Variants in C14orf39 observed in about 807,000 individuals in gnomAD.
The protein encoded by C14orf39 is chromosome 14 open reading frame 39.
A neutral mutation model predicts 85.6 loss-of-function variants in C14orf39; 66 were observed. The ratio of observed to expected loss-of-function variants is 0.77; its 90% CI spans 0.63 to 0.95. The LOEUF is 0.95. C14orf39 is among the 40% of genes least tolerant of loss of function. C14orf39 has a pLI of 0.00. For missense variants in C14orf39, 735 were observed against 663.9 expected (o/e 1.11, Z -1.18); for synonymous variants, 242 against 214.0 (o/e 1.13, Z -1.14).
chr14:60,513,607 T>C (rs1363555129), intron 1 of C14orf39, among the ~76,000 whole-genome samples: 1 of 152,214 alleles, frequency 6.6e-6, no homozygotes, highest in Non-Finnish European at 1.5e-5. Context: ...TTGGCAAATT[T>C]TCTCTTAAGT....
chr14:60,441,569 T>C (rs939404324), intron 17 of C14orf39, among the ~76,000 whole-genome samples: 1 of 152,200 alleles, frequency 6.6e-6, no homozygotes, highest in Admixed American at 6.5e-5. Flanking sequence ...TTTCAGTTTA[T>C]CCCACTGGAA....
chr14:60,510,164 T>A (rs1274434506), intron 1 of C14orf39, among the ~76,000 whole-genome samples: 1 of 152,112 alleles, frequency 6.6e-6, no homozygotes, highest in African/African-American at 2.4e-5. Flanking sequence ...CCCCACCCGC[T>A]GGCTCCCCAC....
chr14:60,511,374 C>A (rs1424712422), intron 1 of C14orf39: 2 of 1,235,736 alleles, frequency 1.6e-6, no homozygotes, highest in African/African-American at 1.5e-5. Context: ...TGACCAGGGA[C>A]CCGCGGGCTC....
Position 60,469,598 on chromosome 14 carries a change from T to C in C14orf39, c.610A>G (p.Lys204Glu), listed in dbSNP as rs1891970458. The change falls in exon 8 of 18, where the codon AAA becomes GAA. Residue 204 changes from lysine (K) to glutamate (E), a missense_variant. Transcript: ENST00000321731. ...TCTTTCTTCAATTCGGATGAACTTT[T>C]GGTAAGATTGCTGGCATGTTTAAGA... The part of the protein sequence containing the change: ...DILKHASNLT[K>E]SSSELKKEVD... 2 of 1,523,170 alleles carry C rather than the reference T, an allele frequency of 1.3e-6. No individual in the cohort carries two copies. Among genetic ancestry groups the C allele is most frequent in the African/African-American group, 1.4e-5 (1 of 72,296 alleles). The allele number at this position is 1,523,170 out of a possible 1,614,324, so 94.4% of individuals were successfully genotyped here.
rs1435108105 is a variant in C14orf39 at position 60,461,516 on chromosome 14, C to T, written c.1050G>A (p.Met350Ile). ...TTATTTTAAAAAGTTACCTGACTTG[C>T]ATAAACTTTTGTGAACTTGTGATAG... is the stretch of plus-strand genomic sequence containing the variant. ...ITTITSSQKF[M>I]QVRLLTPQKQ... The change falls in exon 12 of 18, where the codon ATG (methionine) becomes ATA (isoleucine). Residue 350 changes from methionine (M) to isoleucine (I), a missense_variant. Met to Ile is a conservative substitution (Grantham distance 10). Coordinates refer to ENST00000321731, the MANE Select transcript of C14orf39 (RefSeq NM_174978.3). 1 of 1,590,932 alleles carries T rather than the reference C, an allele frequency of 6.3e-7. No individual in the cohort carries two copies.
intron 5 of C14orf39, among the ~76,000 whole-genome samples, chr14:60,476,874 A>T (rs201973350): frequency 9.5e-6 from 1 of 104,792 alleles, no homozygotes; most frequent in South Asian, 3.1e-4. Flanking sequence ...CTGTTTTTTT[A>T]AATGAATATT....
intron 10 of C14orf39, 41 bp downstream of exon 10, chr14:60,466,876 C>A: frequency 7.1e-7 from 1 of 1,416,248 alleles, no homozygotes; most frequent in Non-Finnish European, 9.3e-7. Context: ...TGTGTGTTTG[C>A]AAAAAAAATG....
chr14:60,510,197 T>C (rs1284098355), intron 1 of C14orf39, among the ~76,000 whole-genome samples: 1 of 152,086 alleles, frequency 6.6e-6, no homozygotes, highest in Non-Finnish European at 1.5e-5. Context: ...CTGCAGCAGC[T>C]GGTCCCGGTC....
intron 16 of C14orf39, among the ~76,000 whole-genome samples, chr14:60,445,827 G>C (rs560704755): frequency 6.6e-6 from 1 of 152,116 alleles, no homozygotes; most frequent in Admixed American, 6.6e-5. Context: ...ACACTCCTCA[G>C]CAAATGTAAA....
chr14:60,445,006 C>A (rs1890694798), intron 16 of C14orf39, among the ~76,000 whole-genome samples: 1 of 152,162 alleles, frequency 6.6e-6, no homozygotes, highest in Non-Finnish European at 1.5e-5. Context: ...ACTTTACAGA[C>A]AAGCAAATGC....
chr14:60,457,971 G>GT (rs902137287), intron 14 of C14orf39, among the ~76,000 whole-genome samples: 1 of 151,660 alleles, frequency 6.6e-6, no homozygotes, highest in African/African-American at 2.4e-5. Context: ...TTTTGTATAT[G>GT]TTTTTTTAAT....
In C14orf39 at chr14:60,485,721, A is replaced by G. The variant is rs140464545; in HGVS notation, c.-9+224T>C. Among the ~76,000 whole-genome samples, 245 of 151,858 alleles carry G rather than the reference A, an allele frequency of 1.6e-3. 6 individuals are homozygous for G. The East Asian group carries it at 0.044, about 27-fold the overall frequency. On this transcript the variant is annotated intron_variant, in intron 1 of 17. Coordinates refer to ENST00000321731, the MANE Select transcript of C14orf39 (RefSeq NM_174978.3). The stretch of plus-strand genomic sequence containing the variant: ...AGTTCGCCGGCCGACTCCCACCCTC[A>G]CAGCCTCCTGTCCTGGCTTCCCCTC...
chr14:60,455,981 G>A (rs1162723532), intron 15 of C14orf39, among the ~76,000 whole-genome samples: 4 of 152,046 alleles, frequency 2.6e-5, no homozygotes, highest in African/African-American at 9.7e-5. Context: ...CTTAGCGTAT[G>A]AGCTCACATT....
chr14:60,473,768 C>G (rs371967738), intron 5 of C14orf39, among the ~76,000 whole-genome samples: 18 of 152,174 alleles, frequency 1.2e-4, no homozygotes, highest in African/African-American at 2.9e-4. Context: ...CTGTATCTCT[C>G]TTTTGGTACC....
chr14:60,437,716 G>C (rs1463044268), intron 17 of C14orf39, among the ~76,000 whole-genome samples: 1 of 151,844 alleles, frequency 6.6e-6, no homozygotes, highest in Admixed American at 6.6e-5. Flanking sequence ...TGGTAATGGA[G>C]GAAAAAATGC....
At chr14:60,508,787 C>T (rs919067270) in intron 1 of C14orf39, among the ~76,000 whole-genome samples, 1 of 152,182 alleles carries the variant, frequency 6.6e-6, no homozygotes, top group African/African-American at 2.4e-5. Context: ...TCCTCTTTGT[C>T]CTCTGGAGAC....
At chr14:60,476,794 T>G (rs1271397119) in intron 5 of C14orf39, among the ~76,000 whole-genome samples, 1 of 152,152 alleles carries the variant, frequency 6.6e-6, no homozygotes, top group Non-Finnish European at 1.5e-5. Context: ...CAATTTCCCC[T>G]TTAGAGGACC....
In C14orf39 at chr14:60,515,491, T is replaced by A. The variant is rs1893353862; in HGVS notation, c.-240A>T. The A allele has an allele frequency of 1.3e-5, 2 of 151,422 alleles. No homozygotes were observed. Among genetic ancestry groups the A allele is most frequent in the South Asian group, 4.2e-4 (2 of 4,804 alleles). The allele number at this position is 151,422 out of a possible 1,614,324, so 9.4% of individuals were successfully genotyped here. A position where few individuals can be genotyped will look rare whatever the true frequency, so the allele number is the denominator to read the frequency against. ...ACTCAGCGGCTCGAGGAGAGAAACC[T>A]CTCAAAACCGGGGGACCGAGACGGG... On this transcript the variant is annotated 5_prime_UTR_variant, in exon 1 of 6. Transcript: ENST00000556799. This position sits in a 1 kb window ranked among gnomAD's most constrained non-coding sequence, Gnocchi z 6.2.
chr14:60,485,976 AC>A lies in C14orf39; in HGVS notation c.-41del, dbSNP rs1892874731. The A allele has an allele frequency of 6.6e-6, 1 of 151,962 alleles. No homozygotes were observed. The highest frequency in any genetic ancestry group is 2.4e-5 in the African/African-American group (1 of 41,040). The allele number at this position is 151,962 out of a possible 1,614,324, so 9.4% of individuals were successfully genotyped here. On this transcript the variant is annotated 5_prime_UTR_variant, in exon 1 of 18. Transcript: ENST00000321731. ...AGCTCCTCTGGACCCGAACGCCCAC[AC>A]CCTCCCTCCCTGGGGTCCCAAACTC...
Sources: allele counts gnomAD v4.1 joint callset (sites outside exome capture counted in the v4.1 genomes callset), GRCh38; gene constraint gnomAD v4.1.1; non-coding constraint Gnocchi (gnomAD v3.1); transcripts MANE v1.5; gene names NCBI Gene and HGNC (gene_info 2026-07-23, HGNC 2026-07-21).